Variants in GLB1L2 observed in about 807,000 individuals in gnomAD.
The protein encoded by GLB1L2 is beta-galactosidase-1-like protein 2.
Under a neutral mutation model 84.1 loss-of-function variants are expected in GLB1L2, and 68 were observed. That is an observed-to-expected ratio of 0.81 (90% confidence interval 0.67 to 0.99). The LOEUF is 0.99. Among genes scored for constraint, GLB1L2 ranks in the 50% least tolerant of loss-of-function variants. The pLI, the probability that GLB1L2 is intolerant of heterozygous loss-of-function variation, is 0.00. For missense variants in GLB1L2, 762 were observed against 805.6 expected, an observed-to-expected ratio of 0.95 and a Z score of 0.66; for synonymous variants, 290 against 318.0, an observed-to-expected ratio of 0.91 and a Z score of 0.94.
At chr11:134,332,556 C>G (rs1358710047) in intron 1 of GLB1L2, among the ~76,000 whole-genome samples, 3 of 152,194 alleles carry the variant, frequency 2.0e-5, no homozygotes, top group Non-Finnish European at 4.4e-5. Flanking sequence ...CTTTTCCTCC[C>G]AAGCCTCTGG....
intron 2 of GLB1L2, among the ~76,000 whole-genome samples, chr11:134,343,813 C>T (rs906388209): frequency 3.3e-5 from 5 of 152,210 alleles, no homozygotes; most frequent in African/African-American, 1.2e-4. Flanking sequence ...AGGCTCTCCT[C>T]CTTCATCTGA....
intron 18 of GLB1L2, 62 bp downstream of exon 18, chr11:134,374,780 G>A (rs1944004184): frequency 1.4e-6 from 2 of 1,414,214 alleles, no homozygotes; most frequent in African/African-American, 1.4e-5. Context: ...GTCCCAGGGA[G>A]CCTTCGGTCA....
At chr11:134,358,611 G>A (rs1182447396) in intron 6 of GLB1L2, among the ~76,000 whole-genome samples, 2 of 152,276 alleles carry the variant, frequency 1.3e-5, no homozygotes, top group African/African-American at 4.8e-5. Context: ...AACCCACACC[G>A]GCCAGCGTGG....
chr11:134,359,104 C>T lies in GLB1L2; in HGVS notation c.696C>T (p.Asp232=), dbSNP rs777491794. Residue 232 remains aspartate (D), a synonymous_variant, in exon 7 of 19, where the codon GAC becomes GAT. Transcript: ENST00000535456. ...TTGTGGAACTGCTCCTGACTTCAGA[C>T]AACAAGGATGGGCTGAGCAAGGGGA... ...RGIVELLLTS[D]NKDGLSKGIV... The T allele has an allele frequency of 1.2e-6, 2 of 1,604,402 alleles. No homozygotes were observed. Among genetic ancestry groups the T allele is most frequent in the East Asian group, 2.3e-5 (1 of 44,072 alleles).
chr11:134,364,282 C>A, intron 7 of GLB1L2, 46 bp from the exon 8 acceptor site: 2 of 1,522,472 alleles, frequency 1.3e-6, no homozygotes, highest in Non-Finnish European at 1.8e-6. Flanking sequence ...AGGTCCCTGG[C>A]TTTGAGACAG....
intron 5 of GLB1L2, among the ~76,000 whole-genome samples, chr11:134,355,200 C>T (rs1030310218): frequency 6.6e-6 from 1 of 152,132 alleles, no homozygotes; most frequent in Admixed American, 6.5e-5. Context: ...AAAATAATCT[C>T]TGTTTCTTTG....
rs565332342 is a variant in GLB1L2 at position 134,361,967 on chromosome 11, C to T, written c.734-2361C>T. On this transcript the variant is annotated intron_variant, in intron 7 of 18. Coordinates refer to ENST00000535456, the MANE Select transcript of GLB1L2 (RefSeq NM_001370461.1). The stretch of plus-strand genomic sequence containing the variant: ...CCGCCCTCCCCTTCTCGTGCTGCTG[C>T]GCATCCGGGGAGCGGCCCAGTTACG... 8.5e-5 allele frequency among the ~76,000 whole-genome samples: 13 copies of T among 152,264 alleles called. No homozygotes were observed. The East Asian group carries it at 1.7e-3, about 20-fold the overall frequency.
chr11:134,337,890 G>A (rs1451382758), intron 1 of GLB1L2, among the ~76,000 whole-genome samples: 1 of 152,178 alleles, frequency 6.6e-6, no homozygotes, highest in Admixed American at 6.5e-5. Flanking sequence ...GGGCCACAGT[G>A]TACCTAAAAA....
In GLB1L2 at chr11:134,374,707, G is replaced by A. The variant is rs201277252; in HGVS notation, c.1813G>A (p.Gly605Arg). The A allele has an allele frequency of 3.2e-5, 52 of 1,611,874 alleles. No individual in the cohort carries two copies. The South Asian group carries it at 3.6e-4, about 11-fold the overall frequency. ...LYLPGPWLSS[G>R]INQVIVFEET... ...CCTCCCAGGTCCCTGGTTGAGCAGC[G>A]GAATCAACCAGGTGGGAGCTTCCAG... The change falls in exon 18 of 19, where the codon GGA becomes AGA. Residue 605 changes from glycine (G) to arginine (R), a missense_variant. Physicochemically the swap from Gly to Arg is moderately radical, Grantham distance 125. Transcript: ENST00000535456.
At chr11:134,373,384 G>A (rs929128383) in intron 15 of GLB1L2, among the ~76,000 whole-genome samples, 1 of 152,204 alleles carries the variant, frequency 6.6e-6, no homozygotes, top group Non-Finnish European at 1.5e-5. Flanking sequence ...AACTGGCCCT[G>A]CAGCTAGGCC....
intron 5 of GLB1L2, among the ~76,000 whole-genome samples, chr11:134,353,226 T>C (rs1249529790): frequency 6.6e-6 from 1 of 151,942 alleles, no homozygotes; most frequent in African/African-American, 2.4e-5. Flanking sequence ...TTGGCCAACA[T>C]GTTGAAACCC....
chr11:134,364,528 C>T (rs959580023), intron 8 of GLB1L2, 130 bp downstream of exon 8: 11 of 724,140 alleles, frequency 1.5e-5, no homozygotes, highest in Non-Finnish European at 2.6e-5. Context: ...TCTGGCCCCC[C>T]GCCCATGCCA....
At chr11:134,358,671 G>T (rs1161802478) in intron 6 of GLB1L2, among the ~76,000 whole-genome samples, 2 of 152,276 alleles carry the variant, frequency 1.3e-5, no homozygotes, top group Admixed American at 6.5e-5. Context: ...AAGGATGTAG[G>T]TGTCGTCCTG....
Position 134,371,116 on chromosome 11 carries a change from A to G in GLB1L2, c.1324A>G (p.Ile442Val), listed in dbSNP as rs1943946783. 6.2e-7 allele frequency: 1 copy of G among 1,614,102 alleles called. No individual in the cohort carries two copies. Among genetic ancestry groups the G allele is most frequent in the Admixed American group, 1.7e-5 (1 of 60,012 alleles). The change falls in exon 13 of 19, where the codon ATC becomes GTC. Residue 442 changes from isoleucine (I) to valine (V), a missense_variant. Transcript: ENST00000535456. ...TGAGACCAGCATCACCTCGTCTGGC[A>G]TCCTCAGTGGCCACGTGCATGATCG... The part of the protein sequence containing the change: ...LYETSITSSG[I>V]LSGHVHDRGQ...
At chr11:134,341,260 C>T (rs573228953) in intron 1 of GLB1L2, among the ~76,000 whole-genome samples, 1 of 152,288 alleles carries the variant, frequency 6.6e-6, no homozygotes, top group African/African-American at 2.4e-5. Flanking sequence ...CGACTCACAG[C>T]AGAGAGTGTT....
At chr11:134,355,276 G>A (rs962722214) in intron 5 of GLB1L2, among the ~76,000 whole-genome samples, 3 of 151,940 alleles carry the variant, frequency 2.0e-5, no homozygotes, top group African/African-American at 7.3e-5. Flanking sequence ...GCATATTTAC[G>A]ACAGCTGTTA....
chr11:134,351,339 TTC>T (rs1289956059), intron 5 of GLB1L2, among the ~76,000 whole-genome samples: 1 of 137,622 alleles, frequency 7.3e-6, no homozygotes. Context: ...TTGATTCTTT[TTC>T]TTTCTTTTTT....
intron 6 of GLB1L2, among the ~76,000 whole-genome samples, chr11:134,358,368 C>T (rs1258084073): frequency 6.6e-6 from 1 of 152,262 alleles, no homozygotes; most frequent in Non-Finnish European, 1.5e-5. Context: ...GCAAGGCTCG[C>T]GTAGGACAGT....
chr11:134,363,788 C>T (rs1403985571), intron 7 of GLB1L2, among the ~76,000 whole-genome samples: 1 of 152,198 alleles, frequency 6.6e-6, no homozygotes, highest in East Asian at 1.9e-4. Context: ...AGATCAGGTG[C>T]ACAGCGAGTG....
Sources: gnomAD v4.1 joint callset for allele counts (sites outside exome capture counted in the v4.1 genomes callset) on GRCh38, gnomAD v4.1.1 for gene constraint, MANE v1.5 for transcripts, NCBI Gene and HGNC (gene_info 2026-07-23, HGNC 2026-07-21) for gene names.